PTPRT: variants seen among roughly 807,000 people sequenced by gnomAD.
The protein encoded by PTPRT is receptor-type tyrosine-protein phosphatase T.
A neutral mutation model predicts 176.8 loss-of-function variants in PTPRT; 56 were observed. The observed-to-expected ratio is 0.32, with a 90% CI of 0.26 to 0.40. PTPRT has a LOEUF of 0.40. Among genes scored for constraint, PTPRT ranks in the 10% least tolerant of loss-of-function variants. The probability of loss-of-function intolerance (pLI) is 1.00; values close to 1 mark genes in which losing one functional copy is unlikely to be tolerated. For missense variants in PTPRT, 1,540 were observed against 1,908.2 expected (o/e 0.81, Z 3.60); for synonymous variants, 783 against 739.0 (o/e 1.06, Z -0.96).
chr20:42,167,267 C>G (rs1274221540), intron 16 of PTPRT, among the ~76,000 whole-genome samples: 2 of 152,136 alleles, frequency 1.3e-5, no homozygotes, highest in Non-Finnish European at 2.9e-5. Context: ...TTTAGGGCTT[C>G]TTTCGCCTTT....
At chr20:42,311,977 TTA>T (rs2057639150) in intron 12 of PTPRT, among the ~76,000 whole-genome samples, 1 of 152,222 alleles carries the variant, frequency 6.6e-6, no homozygotes, top group South Asian at 2.1e-4. Flanking sequence ...CAACTTTGTC[TTA>T]GTTTTTGTTG....
chr20:42,430,966 T>C (rs755816976), intron 9 of PTPRT, among the ~76,000 whole-genome samples: 9 of 152,114 alleles, frequency 5.9e-5, no homozygotes, highest in Admixed American at 1.3e-4. Context: ...TTTGGCAATA[T>C]GTAGCAAGAG....
intron 13 of PTPRT, chr20:42,270,600 T>G: frequency 3.0e-6 from 2 of 663,276 alleles, no homozygotes; most frequent in South Asian, 1.9e-5. Context: ...ACATCATGAT[T>G]TAACAAAACA....
chr20:42,091,425 A>C (rs1159491039), intron 27 of PTPRT, among the ~76,000 whole-genome samples: 1 of 152,232 alleles, frequency 6.6e-6, no homozygotes, highest in Non-Finnish European at 1.5e-5. Flanking sequence ...TTTGGAATAA[A>C]CATTTTTAGA....
the PTPRT span, among the ~76,000 whole-genome samples, chr20:42,052,610 C>T: frequency 1.3e-5 from 2 of 152,108 alleles, no homozygotes; most frequent in South Asian, 2.1e-4. Context: ...CTGTGTATGC[C>T]GTTGGTATCC....
At chr20:42,621,026 A>C (rs984022404) in intron 7 of PTPRT, among the ~76,000 whole-genome samples, 2 of 152,100 alleles carry the variant, frequency 1.3e-5, no homozygotes, top group African/African-American at 4.8e-5. Flanking sequence ...TCAGGAGAAC[A>C]GCATGGGAAA....
At chr20:43,069,010 T>TA (rs1470417879) in intron 1 of PTPRT, among the ~76,000 whole-genome samples, 1 of 152,138 alleles carries the variant, frequency 6.6e-6, no homozygotes, top group African/African-American at 2.4e-5. Context: ...AGGTCATGAA[T>TA]AATGAGGTCA....
At chr20:43,001,461 G>C in intron 1 of PTPRT, among the ~76,000 whole-genome samples, 1 of 147,732 alleles carries the variant, frequency 6.8e-6, no homozygotes, top group East Asian at 1.9e-4. Flanking sequence ...CTATAGCAAA[G>C]GTGGATACTC....
At chr20:42,465,412 T>C (rs1456742870) in intron 8 of PTPRT, among the ~76,000 whole-genome samples, 1 of 152,178 alleles carries the variant, frequency 6.6e-6, no homozygotes, top group Non-Finnish European at 1.5e-5. Context: ...AACCTGGGTG[T>C]CCACTGGATA....
At chr20:42,510,714 G>A (rs942216455) in intron 7 of PTPRT, among the ~76,000 whole-genome samples, 25 of 152,156 alleles carry the variant, frequency 1.6e-4, no homozygotes, top group African/African-American at 1.2e-4. Flanking sequence ...TAACAGAACC[G>A]TGGAGTCCTG....
intron 13 of PTPRT, among the ~76,000 whole-genome samples, chr20:42,263,216 T>G (rs1452971304): frequency 1.3e-5 from 2 of 151,414 alleles, no homozygotes; most frequent in Non-Finnish European, 2.9e-5. Context: ...CTCTCTCTTT[T>G]TTCTTTTCTT....
chr20:42,712,603 T>C (rs1385874566), intron 6 of PTPRT, among the ~76,000 whole-genome samples: 1 of 152,148 alleles, frequency 6.6e-6, no homozygotes, highest in Non-Finnish European at 1.5e-5. Flanking sequence ...TCCCTATTCA[T>C]AGCACAAGAG....
At chr20:42,815,190 C>T (rs2077761897) in intron 2 of PTPRT, among the ~76,000 whole-genome samples, 2 of 152,008 alleles carry the variant, frequency 1.3e-5, no homozygotes. Context: ...TAGTAAAGAC[C>T]AAGCAGACAT....
At chr20:42,435,137 T>C (rs560758939) in intron 9 of PTPRT, among the ~76,000 whole-genome samples, 1 of 148,988 alleles carries the variant, frequency 6.7e-6, no homozygotes, top group Non-Finnish European at 1.5e-5. Context: ...TGTATATATA[T>C]AGGAGTGTGT....
At chr20:42,277,049 C>T (rs538293735) in intron 13 of PTPRT, among the ~76,000 whole-genome samples, 4 of 152,212 alleles carry the variant, frequency 2.6e-5, no homozygotes, top group African/African-American at 9.6e-5. Flanking sequence ...TTACAAAAGC[C>T]AGCGCCCAAA....
chr20:42,880,119 G>T (rs1289281575), intron 2 of PTPRT, among the ~76,000 whole-genome samples: 2 of 152,070 alleles, frequency 1.3e-5, no homozygotes, highest in African/African-American at 4.8e-5. Flanking sequence ...GGCCCGGGGG[G>T]GTTTGTGGGT....
At chr20:42,430,164 C>T (rs966249978) in intron 9 of PTPRT, among the ~76,000 whole-genome samples, 2 of 152,118 alleles carry the variant, frequency 1.3e-5, no homozygotes, top group African/African-American at 2.4e-5. Context: ...CCACGGTCCA[C>T]GGTCCAGGGT....
At chr20:42,944,719 C>G (rs6016924) in intron 1 of PTPRT, among the ~76,000 whole-genome samples, 56 of 152,282 alleles carry the variant, frequency 3.7e-4, no homozygotes, top group African/African-American at 1.3e-3. Context: ...ATATCGTCTC[C>G]CCAGAGAATC....
chr20:42,177,614 G>A (rs971780561), intron 16 of PTPRT, among the ~76,000 whole-genome samples: 13 of 152,132 alleles, frequency 8.5e-5, no homozygotes, highest in African/African-American at 2.4e-4. Flanking sequence ...TGCTAGTACC[G>A]TACAAGAGTC....
Sources: allele counts gnomAD v4.1 joint callset (sites outside exome capture counted in the v4.1 genomes callset), GRCh38; gene constraint gnomAD v4.1.1; transcripts MANE v1.5; gene names NCBI Gene and HGNC (gene_info 2026-07-23, HGNC 2026-07-21).